Variants in RBM19 observed in about 807,000 individuals in gnomAD.
RBM19 encodes probable RNA-binding protein 19.
A neutral mutation model predicts 116.8 loss-of-function variants in RBM19; 94 were observed. That is an observed-to-expected ratio of 0.80 (90% CI 0.68 to 0.95). The LOEUF is 0.95. RBM19 is among the 40% of genes least tolerant of loss of function. The probability of loss-of-function intolerance (pLI) is 0.00; values close to 1 mark genes in which losing one functional copy is unlikely to be tolerated. For synonymous variants in RBM19, 475 were observed against 494.1 expected (o/e 0.96, Z 0.51); for missense variants, 1,161 against 1,220.7 (o/e 0.95, Z 0.73).
intron 21 of RBM19, among the ~76,000 whole-genome samples, chr12:113,874,589 G>T (rs1879526249): frequency 6.6e-6 from 1 of 152,186 alleles, no homozygotes; most frequent in Non-Finnish European, 1.5e-5. Context: ...CCCCACCCTG[G>T]GGACAGTAAC....
At chr12:113,854,076 G>T (rs139495911) in intron 22 of RBM19, among the ~76,000 whole-genome samples, 8 of 152,186 alleles carry the variant, frequency 5.3e-5, no homozygotes, top group African/African-American at 1.9e-4. Context: ...ATCCCTGAAT[G>T]CAAGCTTTGG....
chr12:113,923,556 T>C (rs1044130278), intron 18 of RBM19, among the ~76,000 whole-genome samples: 2 of 152,240 alleles, frequency 1.3e-5, no homozygotes, highest in African/African-American at 2.4e-5. Flanking sequence ...CTTCTGTGTG[T>C]GTGGCATAAA....
rs114975438 is a variant in RBM19, at chr12:113,927,540, C to T, written c.2069-311G>A. ...ACTTGGAAATAAATTACCATGTGAA[C>T]TGTTTTACTGAACCGTGAGCCTAAG... On this transcript the variant is annotated intron_variant, in intron 16 of 23. Coordinates refer to ENST00000261741, the MANE Select transcript of RBM19 (RefSeq NM_016196.4). 1,968 of 271,064 alleles carry T rather than the reference C, an allele frequency of 7.3e-3. 39 individuals are homozygous for T. Among genetic ancestry groups the T allele is most frequent in the African/African-American group, 0.041 (1,840 of 45,238 alleles). The allele number at this position is 271,064 out of a possible 1,614,324, so 16.8% of individuals were successfully genotyped here.
Position 113,937,040 on chromosome 12 carries a change from G to A in RBM19, c.2035C>T (p.Pro679Ser), listed in dbSNP as rs144283171. The A allele has an allele frequency of 2.4e-5, 38 of 1,613,950 alleles. No homozygotes were observed. Among genetic ancestry groups the A allele is most frequent in the Non-Finnish European group, 3.1e-5 (37 of 1,180,028 alleles). The change falls in exon 16 of 24, where the codon CCC becomes TCC. Residue 679 changes from proline to serine, a missense_variant. Pro to Ser is a moderately conservative substitution (Grantham distance 74). Transcript: ENST00000261741. ...KKKLQDTPSE[P>S]MEKDPAEPET... ...GGCTCTGCTGGGTCCTTTTCCATGG[G>A]TTCTGAAGGTGTGTCTTGGAGCTTT...
In RBM19 at chr12:113,898,992, T is replaced by C. The variant is rs947042270; in HGVS notation, c.2558+15977A>G. On this transcript the variant is annotated intron_variant, in intron 21 of 23. Transcript: ENST00000261741. This position sits in a 1 kb window ranked among gnomAD's most constrained non-coding sequence, Gnocchi z 4.3. ...TTATTCTGAGTTTTATATTTGTACA[T>C]AGTTAAATAACATAATAATAAAAAT... Among the ~76,000 whole-genome samples, 9 of 152,232 alleles carry C rather than the reference T, an allele frequency of 5.9e-5. No individual in the cohort carries two copies. The highest frequency in any genetic ancestry group is 1.3e-4 in the Non-Finnish European group (9 of 68,040).
rs139063424 is a variant in RBM19 at position 113,877,309 on chromosome 12, G to A, written c.2559-18413C>T. 3.6e-3 allele frequency among the ~76,000 whole-genome samples: 541 copies of A among 152,202 alleles called. 5 individuals are homozygous for A. Among genetic ancestry groups the A allele is most frequent in the Middle Eastern group, 0.027 (8 of 294 alleles). On this transcript the variant is annotated intron_variant, in intron 21 of 23. Transcript: ENST00000261741. ...TGACAGTACATTGCGGGGGGGTCCCGTTACCACAGAAGAAGCATTACCTGC... is the reference window on the plus strand; with the variant it reads ...TGACAGTACATTGCGGGGGGGTCCCATTACCACAGAAGAAGCATTACCTGC...
intron 21 of RBM19, among the ~76,000 whole-genome samples, chr12:113,870,961 C>T (rs1879162785): frequency 6.6e-6 from 1 of 152,204 alleles, no homozygotes; most frequent in Admixed American, 6.5e-5. Flanking sequence ...CAGGGGCCCT[C>T]CAATGGCAGC....
intron 23 of RBM19, among the ~76,000 whole-genome samples, chr12:113,841,339 A>C (rs751778919): frequency 1.5e-4 from 23 of 151,846 alleles, no homozygotes; most frequent in Non-Finnish European, 2.9e-4. Context: ...GGTCCCGATG[A>C]GTTAGAAGGG....
At position 113,960,167 on chromosome 12, in the gene RBM19, G is replaced by T; in HGVS notation, c.231C>A (p.Cys77Ter). 1 of 1,613,656 alleles carries T rather than the reference G, an allele frequency of 6.2e-7. No individual in the cohort carries two copies. Among genetic ancestry groups the T allele is most frequent in the Non-Finnish European group, 8.5e-7 (1 of 1,180,016 alleles). The change falls in exon 3 of 24, where the codon TGC becomes TGA. Residue 77 changes from cysteine (C) to a stop codon, truncating the protein, a stop_gained. Coordinates refer to ENST00000261741, the MANE Select transcript of RBM19 (RefSeq NM_016196.4). LOFTEE classifies it high-confidence loss of function. Reference protein sequence around the residue: ...IDTSRITVEFCKSFGDPAKPR... With the variant: ...IDTSRITVEF ...GTTTGGCCGGGTCCCCGAATGACTT[G>T]CAGAACTCCACCTGTGTGGGAAAGA...
At chr12:113,947,226 C>T in intron 11 of RBM19, 108 bp downstream of exon 11, 1 of 1,365,952 alleles carries the variant, frequency 7.3e-7, no homozygotes, top group Non-Finnish European at 9.8e-7. Flanking sequence ...TTTTCTTAGG[C>T]CCACAAAGTG....
chr12:113,949,878 A>C (rs1871328992), intron 9 of RBM19, among the ~76,000 whole-genome samples: 1 of 152,024 alleles, frequency 6.6e-6, no homozygotes, highest in Non-Finnish European at 1.5e-5. Flanking sequence ...CTCCCTCCTA[A>C]GTCAGTTTAC....
chr12:113,922,610 AT>A (rs1868683991), intron 18 of RBM19, among the ~76,000 whole-genome samples: 1 of 150,698 alleles, frequency 6.6e-6, no homozygotes, highest in African/African-American at 2.4e-5. Flanking sequence ...GACTTCAGCA[AT>A]AACTTTTTTT....
At chr12:113,932,384 T>C in intron 16 of RBM19, among the ~76,000 whole-genome samples, 1 of 152,182 alleles carries the variant, frequency 6.6e-6, no homozygotes, top group Non-Finnish European at 1.5e-5. Context: ...CCAGCAGGCC[T>C]TGCTGAGAGA....
chr12:113,882,451 G>A (rs1880214189), intron 21 of RBM19, among the ~76,000 whole-genome samples: 1 of 151,406 alleles, frequency 6.6e-6, no homozygotes, highest in Admixed American at 6.8e-5. Context: ...CTGTGTTCTA[G>A]AAAACTCTTC....
At chr12:113,820,245 T>TAAAAAAA (rs10667485), downstream of RBM19, among the ~76,000 whole-genome samples, 1 of 140,052 alleles carries the variant, frequency 7.1e-6, no homozygotes, top group African/African-American at 2.7e-5. Flanking sequence ...ACTGATGAAC[T>TAAAAAAA]AAAAAAAAAA....
At chr12:113,892,879 A>G (rs958312144) in intron 21 of RBM19, among the ~76,000 whole-genome samples, 1 of 152,184 alleles carries the variant, frequency 6.6e-6, no homozygotes, top group Admixed American at 6.5e-5. Flanking sequence ...GTAATTTGCC[A>G]AATGCACAGT....
intron 7 of RBM19, among the ~76,000 whole-genome samples, chr12:113,954,009 A>G (rs1297613113): frequency 1.3e-5 from 2 of 152,258 alleles, no homozygotes; most frequent in African/African-American, 2.4e-5. Context: ...AAAATTGGAT[A>G]TAACTCCCAC....
At chr12:113,866,534 G>C (rs982047504) in intron 21 of RBM19, among the ~76,000 whole-genome samples, 1 of 152,200 alleles carries the variant, frequency 6.6e-6, no homozygotes, top group Non-Finnish European at 1.5e-5. Flanking sequence ...CAAAAAGTAG[G>C]CTCCTGGCCT....
intron 19 of RBM19, among the ~76,000 whole-genome samples, chr12:113,919,422 T>G (rs990013464): frequency 6.6e-6 from 1 of 152,004 alleles, no homozygotes; most frequent in Non-Finnish European, 1.5e-5. Context: ...ATACGAAAAA[T>G]TAGCCGGGCT....
Sources: allele counts gnomAD v4.1 joint callset (sites outside exome capture counted in the v4.1 genomes callset), GRCh38; gene constraint gnomAD v4.1.1; non-coding constraint Gnocchi (gnomAD v3.1); transcripts MANE v1.5; gene names NCBI Gene and HGNC (gene_info 2026-07-23, HGNC 2026-07-21).